The following FRMD4B variants were observed in gnomAD, a reference collection of about 807,000 sequenced individuals.
FRMD4B encodes FERM domain-containing protein 4B.
A neutral mutation model predicts 141.5 loss-of-function variants in FRMD4B; 74 were observed. The observed-to-expected ratio is 0.52, with a 90% CI of 0.43 to 0.63. The LOEUF (loss-of-function observed/expected upper bound fraction) is 0.63. FRMD4B is among the 30% of genes least tolerant of loss of function. FRMD4B has a pLI of 0.00. For missense variants in FRMD4B, 1,366 were observed against 1,253.4 expected, an observed-to-expected ratio of 1.09 and a Z score of -1.36; for synonymous variants, 506 against 467.9, an observed-to-expected ratio of 1.08 and a Z score of -1.05.
rs111270428 is a variant in FRMD4B at position 69,305,200 on chromosome 3, T to C, written c.324-2765A>G. The stretch of plus-strand genomic sequence containing the variant: ...CTTTCAGTACTGGAGAAAATGAGAC[T>C]AGAGGGTTGAATCAGCTTTTATAAT... On this transcript the variant is annotated intron_variant, in intron 3 of 22. Coordinates refer to ENST00000398540, the MANE Select transcript of FRMD4B (RefSeq NM_015123.3). 3.4e-4 allele frequency among the ~76,000 whole-genome samples: 52 copies of C among 152,300 alleles called. 2 individuals are homozygous for C. In the South Asian group the frequency reaches 8.3e-3, roughly 24 times the overall value.
At chr3:69,440,930 G>T (rs6762603) in intron 1 of FRMD4B, among the ~76,000 whole-genome samples, 3 of 151,988 alleles carry the variant, frequency 2.0e-5, no homozygotes, top group Non-Finnish European at 2.9e-5. Context: ...TCCTTTCCAC[G>T]TATATGGTAT....
chr3:69,415,758 G>T (rs972461777), intron 2 of FRMD4B, among the ~76,000 whole-genome samples: 3 of 152,120 alleles, frequency 2.0e-5, no homozygotes, highest in Non-Finnish European at 4.4e-5. Flanking sequence ...TTTTCCATGG[G>T]GCTGTGGGGT....
chr3:69,230,272 G>A lies in FRMD4B; in HGVS notation c.582-5582C>T, dbSNP rs560121620. On this transcript the variant is annotated intron_variant, in intron 7 of 22. Transcript: ENST00000398540. ...ATTACAGGCATGAGCCACCTCGTCC[G>A]GCGACTATCAAACTTTAAAACTCCA... is the stretch of plus-strand genomic sequence containing the variant. 4.0e-4 allele frequency among the ~76,000 whole-genome samples: 61 copies of A among 152,126 alleles called. 1 individual carries two copies. Among genetic ancestry groups the A allele is most frequent in the African/African-American group, 1.1e-3 (47 of 41,514 alleles).
At chr3:69,248,049 C>G (rs996161664) in intron 7 of FRMD4B, among the ~76,000 whole-genome samples, 1 of 152,172 alleles carries the variant, frequency 6.6e-6, no homozygotes, top group Admixed American at 6.5e-5. Context: ...TCCTCGGCCT[C>G]CCAAAGTGCT....
chr3:69,279,220 G>C (rs1285329922), intron 5 of FRMD4B, among the ~76,000 whole-genome samples: 1 of 152,124 alleles, frequency 6.6e-6, no homozygotes, highest in Admixed American at 6.5e-5. Flanking sequence ...CCCTTAATAG[G>C]AATGCAATGA....
chr3:69,171,766 G>A lies in FRMD4B; in HGVS notation c.*95C>T. On this transcript the variant is annotated 3_prime_UTR_variant, in exon 23 of 23. Transcript: ENST00000398540. Reference sequence around the variant, plus strand: ...TCTCTTCAACCTTTGATGTCTTTAGGTTTCTAAAACGAACATCCTCTCGGA... The same window carrying A: ...TCTCTTCAACCTTTGATGTCTTTAGATTTCTAAAACGAACATCCTCTCGGA... 1 of 1,262,996 alleles carries A rather than the reference G, an allele frequency of 7.9e-7. No homozygotes were observed. Among genetic ancestry groups the A allele is most frequent in the South Asian group, 1.3e-5 (1 of 76,718 alleles). The allele number at this position is 1,262,996 out of a possible 1,614,324, so 78.2% of individuals were successfully genotyped here.
At position 69,217,823 on chromosome 3, in the gene FRMD4B, T is replaced by C. The variant is rs138308803; in HGVS notation, c.789+499A>G. Among the ~76,000 whole-genome samples the C allele has an allele frequency of 2.7e-3, 408 of 152,286 alleles. 4 individuals are homozygous for C. The highest frequency in any genetic ancestry group is 9.5e-3 in the African/African-American group (396 of 41,560). ...TATCCTTAACACTTTCATCTCATCA[T>C]CTCAAAATATGTCAATCTCTCCCTG... On this transcript the variant is annotated intron_variant, in intron 10 of 22. Transcript: ENST00000398540.
At chr3:69,419,049 A>T (rs1157942944) in intron 2 of FRMD4B, among the ~76,000 whole-genome samples, 1 of 152,192 alleles carries the variant, frequency 6.6e-6, no homozygotes, top group Non-Finnish European at 1.5e-5. Flanking sequence ...AGCAAAGTGC[A>T]CTGGGAAGAA....
At chr3:69,219,983 T>C (rs1405933412) in intron 9 of FRMD4B, among the ~76,000 whole-genome samples, 2 of 152,244 alleles carry the variant, frequency 1.3e-5, no homozygotes, top group Non-Finnish European at 2.9e-5. Context: ...TAGTATTCCA[T>C]GGTGTGTATA....
chr3:69,366,106 CAA>C (rs1296836717), intron 1 of FRMD4B, among the ~76,000 whole-genome samples: 12 of 118,880 alleles, frequency 1.0e-4, no homozygotes, highest in African/African-American at 3.6e-4. Flanking sequence ...CACACACACA[CAA>C]AATTAGCTGG....
intron 1 of FRMD4B, among the ~76,000 whole-genome samples, chr3:69,458,187 A>G (rs1245565830): frequency 6.6e-6 from 1 of 152,226 alleles, no homozygotes; most frequent in Admixed American, 6.5e-5. Flanking sequence ...GAGCCCAGAA[A>G]GTGCTCATAG....
intron 1 of FRMD4B, chr3:69,536,067 C>T (rs903705057): frequency 1.1e-5 from 5 of 434,924 alleles, no homozygotes; most frequent in East Asian, 1.1e-4. Flanking sequence ...CTAGCCTCAC[C>T]GGGCTGTGGC....
rs112705227 is a variant in FRMD4B, at chr3:69,237,878, G to T, written c.581+11348C>A. ...CCTAAGTAGCTGGGATTACAGGCAC[G>T]CACCACCATGCTCGGCTCATTTTTT... is the stretch of plus-strand genomic sequence containing the variant. On this transcript the variant is annotated intron_variant, in intron 7 of 22. Transcript: ENST00000398540. 2.7e-3 allele frequency among the ~76,000 whole-genome samples: 415 copies of T among 152,224 alleles called. 1 individual carries two copies. Among genetic ancestry groups the T allele is most frequent in the Non-Finnish European group, 3.9e-3 (263 of 68,030 alleles).
intron 1 of FRMD4B, among the ~76,000 whole-genome samples, chr3:69,347,260 T>A (rs897849329): frequency 1.2e-4 from 19 of 152,136 alleles, no homozygotes; most frequent in Non-Finnish European, 1.9e-4. Context: ...GGTAAAGGGA[T>A]CAATTCAACC....
chr3:69,536,544 TA>T (rs985363722), intron 1 of FRMD4B: 3 of 692,790 alleles, frequency 4.3e-6, no homozygotes, highest in African/African-American at 1.8e-5. Context: ...GGGTGGGGAA[TA>T]GGGGGGATGG....
chr3:69,456,894 G>A (rs374162977), intron 1 of FRMD4B, among the ~76,000 whole-genome samples: 14 of 152,178 alleles, frequency 9.2e-5, no homozygotes, highest in East Asian at 3.9e-4. Flanking sequence ...CTAAAATGGC[G>A]CAGCTGAGTA....
At chr3:69,330,522 T>C (rs1702332684) in intron 1 of FRMD4B, among the ~76,000 whole-genome samples, 1 of 151,746 alleles carries the variant, frequency 6.6e-6, no homozygotes, top group African/African-American at 2.4e-5. Context: ...AATTTTTGTA[T>C]TTTTAGTAGA....
intron 11 of FRMD4B, among the ~76,000 whole-genome samples, chr3:69,212,355 G>A (rs1164663618): frequency 1.4e-3 from 16 of 11,062 alleles, no homozygotes; most frequent in African/African-American, 2.4e-3. Context: ...GCGAAACCCC[G>A]TCTCAAAAAA....
At chr3:69,516,398 G>A (rs534517250) in intron 1 of FRMD4B, among the ~76,000 whole-genome samples, 1 of 152,118 alleles carries the variant, frequency 6.6e-6, no homozygotes, top group South Asian at 2.1e-4. Flanking sequence ...AGAGAAAGGA[G>A]GAAAGAGGGT....
Sources: allele counts gnomAD v4.1 joint callset (sites outside exome capture counted in the v4.1 genomes callset), GRCh38; gene constraint gnomAD v4.1.1; transcripts MANE v1.5; gene names NCBI Gene and HGNC (gene_info 2026-07-23, HGNC 2026-07-21).